SPATA6L: variants seen among roughly 807,000 people sequenced by gnomAD.
SPATA6L encodes the protein spermatogenesis associated 6-like protein.
Under a neutral mutation model 49.2 loss-of-function variants are expected in SPATA6L, and 68 were observed. The observed-to-expected ratio is 1.38, with a 90% CI of 1.14 to 1.69. The LOEUF (loss-of-function observed/expected upper bound fraction) is 1.69, where lower values mean the gene tolerates loss of function less well. SPATA6L is among the 40% of genes most tolerant of loss of function. The pLI, the probability that SPATA6L is intolerant of heterozygous loss-of-function variation, is 0.00. For missense variants in SPATA6L, 668 were observed against 464.3 expected (o/e 1.44, Z -4.03); for synonymous variants, 198 against 165.7 (o/e 1.19, Z -1.50).
intron 9 of SPATA6L, among the ~76,000 whole-genome samples, chr9:4,607,668 C>T (rs1437873965): frequency 6.6e-5 from 10 of 151,940 alleles, no homozygotes; most frequent in South Asian, 2.1e-4. Context: ...AAGGAACAAC[C>T]GGTACCAGCC....
chr9:4,602,598 G>C (rs1298699400), intron 11 of SPATA6L, among the ~76,000 whole-genome samples: 2 of 152,172 alleles, frequency 1.3e-5, no homozygotes, highest in East Asian at 3.8e-4. Context: ...TAATTATTCT[G>C]ATCCTGCTGA....
downstream of SPATA6L, among the ~76,000 whole-genome samples, chr9:4,597,267 T>C (rs1001571999): frequency 6.6e-6 from 1 of 151,364 alleles, no homozygotes; most frequent in African/African-American, 2.4e-5. Context: ...GCCTGGTCAA[T>C]ATAGGGAGAC....
chr9:4,594,858 C>G (rs899472745), downstream of SPATA6L, among the ~76,000 whole-genome samples: 8 of 152,180 alleles, frequency 5.3e-5, no homozygotes, highest in Admixed American at 3.3e-4. Flanking sequence ...ACGATAAGAA[C>G]AAGATTCAGA....
At chr9:4,601,101 T>C (rs186890322) in intron 11 of SPATA6L, among the ~76,000 whole-genome samples, 45 of 152,310 alleles carry the variant, frequency 3.0e-4, no homozygotes, top group Non-Finnish European at 5.7e-4. Flanking sequence ...ACATAGTAAA[T>C]GTGCCAAAAT....
rs187203807 is a variant in SPATA6L, at chr9:4,662,060, A to G, written c.40-24T>C. ...ATCTTAAAAAGAAAGAAAACAACAA[A>G]CAAGGGAGAGAAAACAGACTTTGCT... On this transcript the variant is annotated intron_variant, in intron 1 of 11. Transcript: ENST00000682582. This position sits in a 1 kb window ranked among gnomAD's most constrained non-coding sequence, Gnocchi z 4.9. 2.8e-4 allele frequency: 444 copies of G among 1,611,852 alleles called. No individual in the cohort carries two copies. The African/African-American group carries it at 5.0e-3, about 18-fold the overall frequency.
At chr9:4,629,990 T>C (rs1157820346) in intron 4 of SPATA6L, among the ~76,000 whole-genome samples, 6 of 151,976 alleles carry the variant, frequency 3.9e-5, no homozygotes, top group African/African-American at 1.2e-4. Context: ...AACAAATGAA[T>C]GACACACACA....
At position 4,648,496 on chromosome 9, in the gene SPATA6L, G is replaced by A. The variant is rs896297711; in HGVS notation, c.226+7545C>T. On this transcript the variant is annotated intron_variant, in intron 3 of 11. Transcript: ENST00000682582. ...GGGCGGATCACAAGGTCAGGAGATC[G>A]AGACCATCCTGGTCTAACTCGGTGA... Among the ~76,000 whole-genome samples, 19 of 149,944 alleles carry A rather than the reference G, an allele frequency of 1.3e-4. 1 individual carries two copies. Among genetic ancestry groups the A allele is most frequent in the Non-Finnish European group, 4.4e-5 (3 of 67,788 alleles).
chr9:4,614,416 AC>A (rs1404587446), intron 9 of SPATA6L, among the ~76,000 whole-genome samples: 54 of 152,296 alleles, frequency 3.5e-4, no homozygotes, highest in Non-Finnish European at 6.5e-4. Flanking sequence ...ACCCTTGTGA[AC>A]TGGACACAGA....
chr9:4,597,643 G>T (rs76601658), downstream of SPATA6L, among the ~76,000 whole-genome samples: 1 of 152,172 alleles, frequency 6.6e-6, no homozygotes, highest in Non-Finnish European at 1.5e-5. Context: ...CCTAGATTCA[G>T]TGTGGAGGAT....
At chr9:4,665,802 T>C (rs1264100072) in intron 1 of SPATA6L, among the ~76,000 whole-genome samples, 4 of 152,208 alleles carry the variant, frequency 2.6e-5, no homozygotes, top group African/African-American at 9.6e-5. Context: ...TCTGATTGGT[T>C]CATAGAGTTG....
chr9:4,656,910 C>T (rs1227398997), intron 2 of SPATA6L, among the ~76,000 whole-genome samples: 1 of 150,908 alleles, frequency 6.6e-6, no homozygotes, highest in Non-Finnish European at 1.5e-5. Flanking sequence ...ATGCGTAACA[C>T]AAAACAAAAG....
intron 9 of SPATA6L, among the ~76,000 whole-genome samples, chr9:4,606,996 T>C (rs866489307): frequency 1.4e-5 from 2 of 148,042 alleles, no homozygotes; most frequent in Middle Eastern, 3.4e-3. Context: ...ACGTGAAGAA[T>C]GCAGAAGCCT....
intron 3 of SPATA6L, among the ~76,000 whole-genome samples, chr9:4,649,814 C>A (rs528446298): frequency 6.6e-6 from 1 of 152,280 alleles, no homozygotes; most frequent in Admixed American, 6.5e-5. Context: ...CTTCATTACA[C>A]CTCCCAGGGT....
intron 5 of SPATA6L, chr9:4,627,762 A>C: frequency 7.8e-7 from 1 of 1,289,360 alleles, no homozygotes; most frequent in South Asian, 1.2e-5. Context: ...CCAAAGACGG[A>C]CCATGAATAC....
chr9:4,630,816 C>T (rs1831366084), intron 4 of SPATA6L, among the ~76,000 whole-genome samples: 1 of 152,152 alleles, frequency 6.6e-6, no homozygotes, highest in African/African-American at 2.4e-5. Context: ...TATATATTAC[C>T]TCATCTAACA....
At chr9:4,594,405 G>A (rs1439556305), downstream of SPATA6L, among the ~76,000 whole-genome samples, 5 of 152,066 alleles carry the variant, frequency 3.3e-5, no homozygotes, top group Non-Finnish European at 2.9e-5. Context: ...GTAGAGACGG[G>A]GTTTCACCGT....
downstream of SPATA6L, among the ~76,000 whole-genome samples, chr9:4,597,395 C>T (rs910315915): frequency 7.9e-5 from 12 of 151,096 alleles, no homozygotes; most frequent in Admixed American, 6.6e-4. Context: ...GTGAGGTGGG[C>T]GGAGCTAATG....
chr9:4,623,384 T>A (rs1208077270), intron 6 of SPATA6L, among the ~76,000 whole-genome samples: 1 of 152,148 alleles, frequency 6.6e-6, no homozygotes, highest in Non-Finnish European at 1.5e-5. Flanking sequence ...TTGGGTAACA[T>A]GATCTGCAAA....
chr9:4,600,864 A>G (rs1004763113), intron 11 of SPATA6L, 55 bp from the exon 12 acceptor site: 2 of 152,238 alleles, frequency 1.3e-5, no homozygotes, highest in Non-Finnish European at 2.9e-5. Flanking sequence ...AAGGCAAACA[A>G]TCAATACAAG....
Sources: gnomAD v4.1 joint callset for allele counts (sites outside exome capture counted in the v4.1 genomes callset) on GRCh38, gnomAD v4.1.1 for gene constraint, Gnocchi (gnomAD v3.1) non-coding constraint, MANE v1.5 for transcripts, NCBI Gene and HGNC (gene_info 2026-07-23, HGNC 2026-07-21) for gene names.